TNKS: variants seen among roughly 807,000 people sequenced by gnomAD.
TNKS encodes the protein poly [ADP-ribose] polymerase tankyrase-1.
TNKS carries 72 observed loss-of-function variants against 135.8 expected under a neutral mutation model. The observed-to-expected ratio is 0.53, with a 90% CI of 0.44 to 0.64. The LOEUF (loss-of-function observed/expected upper bound fraction) is 0.64. Ranked by LOEUF, TNKS falls within the 30% of genes least tolerant of loss-of-function variation. The probability of loss-of-function intolerance (pLI) is 0.00; values close to 1 mark genes in which losing one functional copy is unlikely to be tolerated. For missense variants in TNKS, 1,769 were observed against 1,674.0 expected, an observed-to-expected ratio of 1.06 and a Z score of -0.99; for synonymous variants, 849 against 649.3, an observed-to-expected ratio of 1.31 and a Z score of -4.68.
intron 2 of TNKS, among the ~76,000 whole-genome samples, chr8:9,583,953 A>T (rs1281271697): frequency 6.6e-6 from 1 of 151,632 alleles, no homozygotes; most frequent in Non-Finnish European, 1.5e-5. Context: ...TCACGAGGTC[A>T]GGAGATTGAG....
chr8:9,571,093 G>A (rs895505840), intron 1 of TNKS, among the ~76,000 whole-genome samples: 1 of 152,150 alleles, frequency 6.6e-6, no homozygotes, highest in Non-Finnish European at 1.5e-5. Context: ...TTCATTCATT[G>A]TACTATGTTT....
rs71201956 is a variant in TNKS, at chr8:9,598,765, GTATATATATATATATATATATA to G, written c.899-16785_899-16764del. Among the ~76,000 whole-genome samples, 380 of 49,630 alleles carry G rather than the reference GTATATATATATATATATATATA, an allele frequency of 7.7e-3. 6 individuals carry two copies. Among genetic ancestry groups the G allele is most frequent in the Middle Eastern group, 0.029 (2 of 68 alleles). 32.6% of individuals were successfully genotyped at this position (49,630 alleles called of 152,430 possible). A position where few individuals can be genotyped will look rare whatever the true frequency, so the allele number is the denominator to read the frequency against. ...TGTGTATATATGTATATGTGTGTGT[GTATATATATATATATATATATA>G]TATATATATATATATATATATATAT... On this transcript the variant is annotated intron_variant, in intron 2 of 26. Coordinates refer to ENST00000310430, the MANE Select transcript of TNKS (RefSeq NM_003747.3).
At chr8:9,719,477 T>C (rs746436622) in intron 11 of TNKS, among the ~76,000 whole-genome samples, 13 of 152,202 alleles carry the variant, frequency 8.5e-5, no homozygotes, top group Non-Finnish European at 1.9e-4. Flanking sequence ...TACCCCAGTA[T>C]TATATTTTAT....
At chr8:9,735,856 AC>A (rs1035152149) in intron 17 of TNKS, among the ~76,000 whole-genome samples, 20 of 152,226 alleles carry the variant, frequency 1.3e-4, no homozygotes, top group Non-Finnish European at 4.4e-5. Flanking sequence ...GGCATTTACG[AC>A]TTTATTAAAT....
chr8:9,708,553 G>T (rs984406163), intron 9 of TNKS, 61 bp downstream of exon 9: 4 of 1,366,512 alleles, frequency 2.9e-6, no homozygotes, highest in Admixed American at 2.7e-5. Context: ...CACAAAATAT[G>T]ATTTTCATTT....
intron 3 of TNKS, among the ~76,000 whole-genome samples, chr8:9,647,183 A>G (rs1443253285): frequency 6.6e-6 from 1 of 152,220 alleles, no homozygotes; most frequent in African/African-American, 2.4e-5. Context: ...CACACATGCA[A>G]GCACACTTCT....
intron 20 of TNKS, 70 bp downstream of exon 20, chr8:9,752,696 C>T (rs1806609771): frequency 2.8e-6 from 3 of 1,055,050 alleles, no homozygotes; most frequent in South Asian, 2.8e-5. Context: ...CAGTGGTTCA[C>T]ACCTTACTCC....
chr8:9,674,399 G>C (rs1230444307), intron 3 of TNKS, among the ~76,000 whole-genome samples: 2 of 151,904 alleles, frequency 1.3e-5, no homozygotes, highest in South Asian at 4.2e-4. Context: ...TTGGTGTTCA[G>C]TAAGGAAAAA....
At position 9,777,785 on chromosome 8, in the gene TNKS, A is replaced by C. The variant is rs1167681543; in HGVS notation, c.*1049A>C. On this transcript the variant is annotated 3_prime_UTR_variant, in exon 27 of 27. Coordinates refer to ENST00000310430, the MANE Select transcript of TNKS (RefSeq NM_003747.3). ...GCTGCCTTATTTCAAAAGTCAGTGA[A>C]ATTACTGCACTTGATGAGGGTCACA... is the stretch of plus-strand genomic sequence containing the variant. 6.6e-6 allele frequency: 1 copy of C among 152,180 alleles called. No homozygotes were observed. Among genetic ancestry groups the C allele is most frequent in the Non-Finnish European group, 1.5e-5 (1 of 68,028 alleles). The allele number at this position is 152,180 out of a possible 1,614,324, so 9.4% of individuals were successfully genotyped here. A position where few individuals can be genotyped will look rare whatever the true frequency, so the allele number is the denominator to read the frequency against.
chr8:9,557,529 T>C (rs1815376455), intron 1 of TNKS: 1 of 152,122 alleles, frequency 6.6e-6, no homozygotes, highest in Non-Finnish European at 1.5e-5. Context: ...CTATTGTTGA[T>C]ATTTTAAAAA....
intron 5 of TNKS, among the ~76,000 whole-genome samples, chr8:9,697,290 A>G (rs1803562305): frequency 2.0e-5 from 3 of 152,192 alleles, no homozygotes; most frequent in Admixed American, 2.0e-4. Context: ...CCTCATATAC[A>G]AAAGTTAACT....
At chr8:9,773,253 T>TAAAC (rs1271394783) in intron 26 of TNKS, among the ~76,000 whole-genome samples, 5 of 152,136 alleles carry the variant, frequency 3.3e-5, no homozygotes, top group African/African-American at 4.8e-5. Context: ...ATAAAAAATT[T>TAAAC]AAACAACCTA....
chr8:9,623,327 T>A (rs1208665004), intron 3 of TNKS, among the ~76,000 whole-genome samples: 1 of 152,186 alleles, frequency 6.6e-6, no homozygotes, highest in East Asian at 1.9e-4. Flanking sequence ...CAATAGACCT[T>A]AAGTTAGTTA....
chr8:9,713,571 C>A (rs1158693506), intron 11 of TNKS, among the ~76,000 whole-genome samples: 1 of 152,164 alleles, frequency 6.6e-6, no homozygotes, highest in African/African-American at 2.4e-5. Flanking sequence ...AGAAGAACTT[C>A]TAGACTTTTG....
chr8:9,559,942 G>C (rs557434956), intron 1 of TNKS, among the ~76,000 whole-genome samples: 2 of 152,196 alleles, frequency 1.3e-5, no homozygotes, highest in South Asian at 2.1e-4. Context: ...GTTGATACAG[G>C]TTCTCAAAAT....
At chr8:9,761,105 C>T (rs1807127339) in intron 20 of TNKS, among the ~76,000 whole-genome samples, 1 of 152,102 alleles carries the variant, frequency 6.6e-6, no homozygotes, top group African/African-American at 2.4e-5. Context: ...TTGTGCTGAA[C>T]GCCTCTCCCT....
chr8:9,636,361 A>G (rs1276594521), intron 3 of TNKS, among the ~76,000 whole-genome samples: 2 of 146,226 alleles, frequency 1.4e-5, no homozygotes, highest in Admixed American at 6.9e-5. Flanking sequence ...CATGCCATCT[A>G]TACTAGCTTT....
intron 25 of TNKS, among the ~76,000 whole-genome samples, chr8:9,769,305 C>A (rs1207104559): frequency 6.6e-6 from 1 of 152,168 alleles, no homozygotes; most frequent in South Asian, 2.1e-4. Flanking sequence ...ACTTTCTTCC[C>A]AGTCAGTCTT....
chr8:9,677,820 A>G (rs1224992303), intron 3 of TNKS, among the ~76,000 whole-genome samples: 2 of 152,078 alleles, frequency 1.3e-5, no homozygotes, highest in Non-Finnish European at 2.9e-5. Context: ...TTCCCCTGTG[A>G]GTGTCCTTTG....
Sources: gnomAD v4.1 joint callset for allele counts (sites outside exome capture counted in the v4.1 genomes callset) on GRCh38, gnomAD v4.1.1 for gene constraint, MANE v1.5 for transcripts, NCBI Gene and HGNC (gene_info 2026-07-23, HGNC 2026-07-21) for gene names.